Variants in GRHL2 observed in about 807,000 individuals in gnomAD.
GRHL2 encodes grainyhead like transcription factor 2, also known as grainyhead-like protein 2 homolog.
Under a neutral mutation model 83.8 loss-of-function variants are expected in GRHL2, and 21 were observed. That is an observed-to-expected ratio of 0.25 (90% CI 0.18 to 0.36). GRHL2 has a LOEUF of 0.36. Among genes scored for constraint, GRHL2 ranks in the 10% least tolerant of loss-of-function variants. GRHL2 has a pLI of 1.00. For synonymous variants in GRHL2, 280 were observed against 278.9 expected, an observed-to-expected ratio of 1.00 and a Z score of -0.04; for missense variants, 623 against 781.8, an observed-to-expected ratio of 0.80 and a Z score of 2.42.
chr8:101,651,813 G>A (rs1813626525), intron 14 of GRHL2, among the ~76,000 whole-genome samples: 1 of 152,152 alleles, frequency 6.6e-6, no homozygotes, highest in Admixed American at 6.5e-5. Context: ...GATGTCTTAT[G>A]GCAATTCTGA....
intron 1 of GRHL2, among the ~76,000 whole-genome samples, chr8:101,522,733 A>G (rs1331886304): frequency 6.7e-6 from 1 of 149,194 alleles, no homozygotes; most frequent in Non-Finnish European, 1.5e-5. Context: ...ATACATATAC[A>G]TATACATATA....
the GRHL2 span, among the ~76,000 whole-genome samples, chr8:101,680,717 A>C: frequency 2.3e-5 from 3 of 130,402 alleles, no homozygotes; most frequent in Non-Finnish European, 4.8e-5. Flanking sequence ...AGAGATTATA[A>C]TAAACTATCT....
rs377452481 is a variant in GRHL2, at chr8:101,509,173, T to TC, written c.20+16384_20+16385insC. Reference sequence around the variant, plus strand: ...TCCTTCCTTCCTTTCTTTCTTTCTTTTTCTTTCTTTCTTTTCTCTCTTTCT... The same window carrying TC: ...TCCTTCCTTCCTTTCTTTCTTTCTTTCTTCTTTCTTTCTTTTCTCTCTTTCT... On this transcript the variant is annotated intron_variant, in intron 1 of 15. Transcript: ENST00000646743. 4.4e-4 allele frequency among the ~76,000 whole-genome samples: 10 copies of TC among 22,864 alleles called. 1 individual carries two copies. The highest frequency in any genetic ancestry group is 1.9e-3 in the Non-Finnish European group (7 of 3,600). 15.0% of individuals were successfully genotyped at this position (22,864 alleles called of 152,430 possible). A position where few individuals can be genotyped will look rare whatever the true frequency, so the allele number is the denominator to read the frequency against.
chr8:101,561,238 A>G (rs1463409106), intron 4 of GRHL2, among the ~76,000 whole-genome samples: 1 of 152,170 alleles, frequency 6.6e-6, no homozygotes, highest in African/African-American at 2.4e-5. Context: ...TTCCAAAAAC[A>G]GGAGCTTTTT....
At chr8:101,562,540 G>A (rs1274762132) in intron 4 of GRHL2, 1 of 243,382 alleles carries the variant, frequency 4.1e-6, no homozygotes, top group Non-Finnish European at 7.8e-6. Context: ...GAGAGGTGAT[G>A]TAATTTTTAT....
intron 7 of GRHL2, among the ~76,000 whole-genome samples, chr8:101,584,813 AGGT>A (rs1812128991): frequency 6.6e-6 from 1 of 151,902 alleles, no homozygotes; most frequent in South Asian, 2.1e-4. Flanking sequence ...TCAGGTGGCT[AGGT>A]GGTCAGGTGG....
chr8:101,592,504 A>G (rs184392380), intron 7 of GRHL2, among the ~76,000 whole-genome samples: 4 of 152,316 alleles, frequency 2.6e-5, no homozygotes, highest in Non-Finnish European at 2.9e-5. Context: ...TCCATTTGCC[A>G]TCGAACAATA....
intron 14 of GRHL2, among the ~76,000 whole-genome samples, chr8:101,650,102 A>G (rs1222562243): frequency 6.6e-6 from 1 of 152,192 alleles, no homozygotes; most frequent in Admixed American, 6.5e-5. Flanking sequence ...CCCCCACTGG[A>G]CCACTGCCCC....
At chr8:101,674,423 C>T (rs186030418), downstream of GRHL2, among the ~76,000 whole-genome samples, 4 of 152,086 alleles carry the variant, frequency 2.6e-5, no homozygotes, top group Admixed American at 6.6e-5. Context: ...GAGAATACTA[C>T]AAACACCTCT....
At chr8:101,570,887 TC>T (rs1441643302) in intron 5 of GRHL2, among the ~76,000 whole-genome samples, 5 of 152,240 alleles carry the variant, frequency 3.3e-5, no homozygotes, top group Non-Finnish European at 4.4e-5. Context: ...TCATCTCCTT[TC>T]CAAGTTACCC....
intron 8 of GRHL2, among the ~76,000 whole-genome samples, chr8:101,602,256 T>G (rs1231184304): frequency 2.0e-5 from 3 of 152,230 alleles, no homozygotes; most frequent in Non-Finnish European, 1.5e-5. Context: ...TGCATGATTG[T>G]TGACAGAAAG....
chr8:101,532,826 A>T (rs1464497273), intron 1 of GRHL2, among the ~76,000 whole-genome samples: 6 of 151,364 alleles, frequency 4.0e-5, no homozygotes, highest in East Asian at 1.9e-4. Flanking sequence ...TGTGTGTGTG[A>T]GAGAGAGATA....
chr8:101,637,326 C>G (rs148176671), intron 12 of GRHL2, among the ~76,000 whole-genome samples: 1 of 152,176 alleles, frequency 6.6e-6, no homozygotes, highest in Non-Finnish European at 1.5e-5. Context: ...AAGATGACAG[C>G]CTACCCTTCT....
rs111544943 is a variant in GRHL2 at position 101,622,154 on chromosome 8, A to C, written c.1257+2457A>C. ...CATCTAAGTAAATAAAATAAATATT[A>C]AATCACTTATAAGGAAAATTTGATT... On this transcript the variant is annotated intron_variant, in intron 9 of 15. Coordinates refer to ENST00000646743, the MANE Select transcript of GRHL2 (RefSeq NM_024915.4). 5.0e-3 allele frequency among the ~76,000 whole-genome samples: 769 copies of C among 152,356 alleles called. 6 individuals carry two copies. The highest frequency in any genetic ancestry group is 0.018 in the African/African-American group (741 of 41,584).
At chr8:101,532,873 T>C (rs1810967807) in intron 1 of GRHL2, among the ~76,000 whole-genome samples, 1 of 151,950 alleles carries the variant, frequency 6.6e-6, no homozygotes, top group Admixed American at 6.6e-5. Flanking sequence ...AGAGGACAGT[T>C]GAGACAGAGT....
chr8:101,493,326 C>T (rs1379575008), intron 1 of GRHL2, among the ~76,000 whole-genome samples: 2 of 152,150 alleles, frequency 1.3e-5, no homozygotes, highest in Non-Finnish European at 2.9e-5. Context: ...GGCGTGAGTG[C>T]GCGCCCGCGT....
In GRHL2 at chr8:101,495,587, T is replaced by C. The variant is rs60873204; in HGVS notation, c.20+2798T>C. ...AGAAACTCTTATTTTACTGCCAAAA[T>C]GTATAAAATATATTTAGAGAACGTG... On this transcript the variant is annotated intron_variant, in intron 1 of 15. Coordinates refer to ENST00000646743, the MANE Select transcript of GRHL2 (RefSeq NM_024915.4). 3.5e-3 allele frequency among the ~76,000 whole-genome samples: 530 copies of C among 152,320 alleles called. 3 individuals carry two copies. The highest frequency in any genetic ancestry group is 0.012 in the African/African-American group (510 of 41,574).
intron 2 of GRHL2, among the ~76,000 whole-genome samples, chr8:101,547,895 G>T (rs1811298015): frequency 6.6e-6 from 1 of 152,214 alleles, no homozygotes; most frequent in South Asian, 2.1e-4. Context: ...TAGCTCCACA[G>T]TTGTGCGACC....
intron 5 of GRHL2, among the ~76,000 whole-genome samples, chr8:101,572,660 G>A (rs370087960): frequency 9.2e-5 from 14 of 152,088 alleles, no homozygotes; most frequent in South Asian, 2.1e-4. Context: ...ACTGTGAGCC[G>A]TCCTGCAGTA....
Sources: allele counts gnomAD v4.1 joint callset (sites outside exome capture counted in the v4.1 genomes callset), GRCh38; gene constraint gnomAD v4.1.1; transcripts MANE v1.5; gene names NCBI Gene and HGNC (gene_info 2026-07-23, HGNC 2026-07-21).